MMP26: variants seen among roughly 807,000 people sequenced by gnomAD.
The protein encoded by MMP26 is matrix metallopeptidase 26.
MMP26 carries 33 observed loss-of-function variants against 31.0 expected under a neutral mutation model. The ratio of observed to expected loss-of-function variants is 1.06; its 90% CI spans 0.81 to 1.42. The LOEUF (loss-of-function observed/expected upper bound fraction) is 1.42, where lower values mean the gene tolerates loss of function less well. Ranked by LOEUF, MMP26 falls within the 40% of genes most tolerant of loss-of-function variation. The probability of loss-of-function intolerance (pLI) is 0.00; values close to 1 mark genes in which losing one functional copy is unlikely to be tolerated. For synonymous variants in MMP26, 122 were observed against 114.9 expected, an observed-to-expected ratio of 1.06 and a Z score of -0.40; for missense variants, 347 against 316.1, an observed-to-expected ratio of 1.10 and a Z score of -0.74.
intron 2 of MMP26, chr11:4,787,709 G>A (rs1225569696): frequency 6.6e-6 from 1 of 152,168 alleles, no homozygotes; most frequent in East Asian, 1.9e-4. Flanking sequence ...AATGTAATGG[G>A]GGCTTTTCTT....
intron 2 of MMP26, among the ~76,000 whole-genome samples, chr11:4,905,948 A>G (rs1168882089): frequency 6.6e-6 from 1 of 152,062 alleles, no homozygotes; most frequent in Non-Finnish European, 1.5e-5. Flanking sequence ...GGTGGTTTGG[A>G]TTTTTTTCAT....
intron 2 of MMP26, among the ~76,000 whole-genome samples, chr11:4,861,693 A>G (rs1398995855): frequency 6.6e-6 from 1 of 152,098 alleles, no homozygotes; most frequent in Non-Finnish European, 1.5e-5. Context: ...CTCATAAACA[A>G]CCACACATAA....
chr11:4,860,117 C>A (rs1356797455), intron 2 of MMP26: 1 of 471,066 alleles, frequency 2.1e-6, no homozygotes, highest in Non-Finnish European at 4.4e-6. Flanking sequence ...CGGGTGAGGA[C>A]AGCTATTCCA....
chr11:4,924,604 C>T lies in MMP26; in HGVS notation c.-144-63464C>T, dbSNP rs150282896. 5.5e-3 allele frequency among the ~76,000 whole-genome samples: 835 copies of T among 152,236 alleles called. 9 individuals are homozygous for T. The highest frequency in any genetic ancestry group is 0.019 in the African/African-American group (777 of 41,538). ...AGGAACATCTTGGAAGAATCTTGGA[C>T]TTCAGAAAACAATTCTAGAAAAGGG... On this transcript the variant is annotated intron_variant, in intron 2 of 7. Transcript: ENST00000380390.
At chr11:4,776,868 T>C (rs1321917593) in intron 2 of MMP26, among the ~76,000 whole-genome samples, 1 of 152,178 alleles carries the variant, frequency 6.6e-6, no homozygotes, top group African/African-American at 2.4e-5. Context: ...AAATCTCTTT[T>C]CTTTATAAAT....
chr11:4,862,977 T>C (rs2133516228), intron 2 of MMP26, among the ~76,000 whole-genome samples: 1 of 152,262 alleles, frequency 6.6e-6, no homozygotes, highest in Admixed American at 6.5e-5. Flanking sequence ...AGTGAGAGCC[T>C]TCACTTGTTT....
chr11:4,893,350 T>C (rs1235222694), intron 2 of MMP26, among the ~76,000 whole-genome samples: 4 of 152,160 alleles, frequency 2.6e-5, no homozygotes, highest in African/African-American at 9.7e-5. Context: ...ACTAATAAGG[T>C]CCAATAGGAG....
chr11:4,986,553 C>T (rs1259741736), intron 2 of MMP26, among the ~76,000 whole-genome samples: 1 of 100,754 alleles, frequency 9.9e-6, no homozygotes, highest in African/African-American at 3.9e-5. Context: ...TTTTTTGAGA[C>T]AGAATCTCAC....
chr11:4,910,234 A>T (rs1225027616), intron 2 of MMP26, among the ~76,000 whole-genome samples: 1 of 152,018 alleles, frequency 6.6e-6, no homozygotes, highest in Admixed American at 6.6e-5. Context: ...AAAGCCAGGA[A>T]CATTGCATCT....
chr11:4,829,303 CCTAA>C (rs1849615931), intron 2 of MMP26, among the ~76,000 whole-genome samples: 2 of 152,106 alleles, frequency 1.3e-5, no homozygotes, highest in Admixed American at 6.6e-5. Flanking sequence ...TTCTGCCTGT[CCTAA>C]CTGATTACTA....
chr11:4,721,614 A>G (rs1848014758), intron 1 of MMP26, among the ~76,000 whole-genome samples: 1 of 152,206 alleles, frequency 6.6e-6, no homozygotes, highest in South Asian at 2.1e-4. Context: ...TTTCCCAAAG[A>G]CAGAGAATAT....
intron 2 of MMP26, among the ~76,000 whole-genome samples, chr11:4,886,308 T>G (rs12276692): frequency 0.29 from 43,402 of 151,930 alleles, 8,160 homozygotes; most frequent in Non-Finnish European, 0.41. Context: ...AGATTTAAGC[T>G]CCTAACACTT....
At chr11:4,961,287 G>C (rs771938883) in intron 2 of MMP26, among the ~76,000 whole-genome samples, 9 of 152,188 alleles carry the variant, frequency 5.9e-5, no homozygotes, top group Non-Finnish European at 1.0e-4. Context: ...CAGTAGAAAA[G>C]TCTGTCCTAG....
intron 1 of MMP26, chr11:4,709,479 T>C (rs538255699): frequency 2.8e-6 from 1 of 357,252 alleles, no homozygotes; most frequent in East Asian, 7.3e-5. Context: ...ACAAATTGTA[T>C]GGTGTATAGA....
At chr11:4,764,845 C>T (rs966746138) in intron 1 of MMP26, among the ~76,000 whole-genome samples, 5 of 151,960 alleles carry the variant, frequency 3.3e-5, no homozygotes, top group Middle Eastern at 3.4e-3. Context: ...GCCACTGCAC[C>T]CCAGCCTGGG....
rs998235076 is a variant in MMP26, at chr11:4,936,697, A to G, written c.-144-51371A>G. 1.3e-5 allele frequency among the ~76,000 whole-genome samples: 2 copies of G among 152,194 alleles called. 1 individual carries two copies. The highest frequency in any genetic ancestry group is 4.1e-4 in the South Asian group (2 of 4,832). On this transcript the variant is annotated intron_variant, in intron 2 of 7. Transcript: ENST00000380390. ...AGAAAAGGTTTAAAAAGCAATAGCC[A>G]GAGCTAAGAATGTACCCATGAGAAG...
At chr11:4,904,354 T>C (rs1042571532) in intron 2 of MMP26, among the ~76,000 whole-genome samples, 3 of 152,108 alleles carry the variant, frequency 2.0e-5, no homozygotes, top group African/African-American at 7.2e-5. Context: ...CCTTAAAGAA[T>C]AGCAATTCTA....
At chr11:4,745,510 C>T (rs73390890) in intron 1 of MMP26, among the ~76,000 whole-genome samples, 6,670 of 152,232 alleles carry the variant, frequency 0.044, 470 homozygotes, top group African/African-American at 0.15. Context: ...CCATATATGC[C>T]TCCCAGCGCC....
At chr11:4,818,131 T>C (rs890727358) in intron 2 of MMP26, among the ~76,000 whole-genome samples, 4 of 152,220 alleles carry the variant, frequency 2.6e-5, no homozygotes, top group African/African-American at 9.6e-5. Flanking sequence ...ATTAGTGATA[T>C]ATCAGCAAGT....
Sources: gnomAD v4.1 joint callset for allele counts (sites outside exome capture counted in the v4.1 genomes callset) on GRCh38, gnomAD v4.1.1 for gene constraint, MANE v1.5 for transcripts, NCBI Gene and HGNC (gene_info 2026-07-23, HGNC 2026-07-21) for gene names.